Variants in DNAI2 observed in about 807,000 individuals in gnomAD.
DNAI2 encodes the protein dynein, axonemal, intermediate polypeptide 2.
DNAI2 carries 63 observed loss-of-function variants against 74.7 expected under a neutral mutation model. That is an observed-to-expected ratio of 0.84 (90% CI 0.69 to 1.04). The LOEUF (loss-of-function observed/expected upper bound fraction) is 1.04. DNAI2 is among the 50% of genes least tolerant of loss of function. DNAI2 has a pLI of 0.00. For synonymous variants in DNAI2, 289 were observed against 314.9 expected (o/e 0.92, Z 0.87); for missense variants, 688 against 803.2 (o/e 0.86, Z 1.73).
intron 6 of DNAI2, among the ~76,000 whole-genome samples, chr17:74,293,693 G>A (rs565486981): frequency 2.0e-5 from 3 of 151,802 alleles, no homozygotes; most frequent in African/African-American, 7.2e-5. Context: ...GACAGAGCGA[G>A]ACTCCATCTC....
chr17:74,311,356 G>A (rs1334258882), intron 11 of DNAI2, among the ~76,000 whole-genome samples: 1 of 152,082 alleles, frequency 6.6e-6, no homozygotes, highest in Non-Finnish European at 1.5e-5. Context: ...GCTCACGCCT[G>A]TAATCCCAGC....
chr17:74,302,343 G>A (rs540661863), intron 8 of DNAI2, among the ~76,000 whole-genome samples: 141 of 152,224 alleles, frequency 9.3e-4, no homozygotes, highest in African/African-American at 2.4e-3. Flanking sequence ...CAAGGCGGGC[G>A]GATCACCTGA....
At chr17:74,313,965 A>G in intron 12 of DNAI2, 156 bp from the exon 13 acceptor site, 1 of 1,208,438 alleles carries the variant, frequency 8.3e-7, no homozygotes, top group Non-Finnish European at 1.2e-6. Flanking sequence ...CTGGGCCCTC[A>G]CCAGCCGCAG....
In DNAI2 at chr17:74,300,979, C is replaced by T. The variant is rs1355834647; in HGVS notation, c.865-67C>T. ...TGACCCCAGGACGGTGGGGTGAGGGCGGAGAAGGCAAAAGCCAGGGGAAAT... is the reference window on the plus strand; with the variant it reads ...TGACCCCAGGACGGTGGGGTGAGGGTGGAGAAGGCAAAAGCCAGGGGAAAT... On this transcript the variant is annotated intron_variant, in intron 7 of 13. Coordinates refer to ENST00000311014, the MANE Select transcript of DNAI2 (RefSeq NM_023036.6). This position sits in a 1 kb window ranked among gnomAD's most constrained non-coding sequence, Gnocchi z 4.5. 1.6e-5 allele frequency: 26 copies of T among 1,602,842 alleles called. No homozygotes were observed. The highest frequency in any genetic ancestry group is 2.0e-4 in the Middle Eastern group (1 of 5,042).
rs372749080 is a variant in DNAI2, at chr17:74,282,037, G to A, written c.183+37G>A. On this transcript the variant is annotated intron_variant, in intron 2 of 13. Coordinates refer to ENST00000311014, the MANE Select transcript of DNAI2 (RefSeq NM_023036.6). ...CCCCAAGGGCCCTGGCCTGTCAGGT[G>A]TGGCCAGGCAGGGCGGCCAGCTGGG... The A allele has an allele frequency of 8.9e-5, 143 of 1,612,864 alleles. 1 individual carries two copies. In the South Asian group the frequency reaches 1.4e-3, roughly 15 times the overall value.
At chr17:74,296,767 T>G (rs1312930408) in intron 6 of DNAI2, among the ~76,000 whole-genome samples, 1 of 152,200 alleles carries the variant, frequency 6.6e-6, no homozygotes, top group African/African-American at 2.4e-5. Context: ...TCCAGCCTCA[T>G]TCTGCTCCCT....
At chr17:74,310,209 C>G in intron 11 of DNAI2, 46 bp downstream of exon 11, 2 of 1,602,958 alleles carry the variant, frequency 1.2e-6, no homozygotes, top group South Asian at 2.2e-5. Flanking sequence ...ACGTCCCGAC[C>G]TGGCCCCACA....
At chr17:74,293,232 A>G (rs1018296923) in intron 6 of DNAI2, among the ~76,000 whole-genome samples, 13 of 152,132 alleles carry the variant, frequency 8.5e-5, no homozygotes, top group Non-Finnish European at 1.6e-4. Context: ...AATTATGTCT[A>G]TTATTGAAAG....
chr17:74,294,041 C>G (rs2052283204), intron 6 of DNAI2, among the ~76,000 whole-genome samples: 1 of 152,004 alleles, frequency 6.6e-6, no homozygotes, highest in African/African-American at 2.4e-5. Context: ...CCTCGGCCTC[C>G]CAAAGTGCTG....
At chr17:74,277,153 G>C (rs34608668) in intron 1 of DNAI2, among the ~76,000 whole-genome samples, 2 of 152,056 alleles carry the variant, frequency 1.3e-5, no homozygotes, top group African/African-American at 4.8e-5. Context: ...TTGGGAGGCC[G>C]AGGTGGGCGG....
chr17:74,296,316 A>AGAGAGAGAGAGAGAG (rs1567858365), intron 6 of DNAI2, among the ~76,000 whole-genome samples: 50 of 97,734 alleles, frequency 5.1e-4, no homozygotes, highest in Non-Finnish European at 5.5e-4. Context: ...CTTTAAAGAG[A>AGAGAGAGAGAGAGAG]GAGAGAGAGA....
Position 74,289,574 on chromosome 17 carries a change from C to A in DNAI2, c.468-20C>A, listed in dbSNP as rs767825543. ...GGAACCTCACATCCAGCCTTCTGCT[C>A]TCTTCCCTCTCCCCTGCAGGGACCC... is the stretch of plus-strand genomic sequence containing the variant. On this transcript the variant is annotated intron_variant, in intron 4 of 13. Transcript: ENST00000311014. 1.9e-6 allele frequency: 3 copies of A among 1,613,184 alleles called. No individual in the cohort carries two copies. The highest frequency in any genetic ancestry group is 1.6e-4 in the Middle Eastern group (1 of 6,074).
At chr17:74,288,341 A>G (rs1307322500) in intron 4 of DNAI2, among the ~76,000 whole-genome samples, 1 of 152,238 alleles carries the variant, frequency 6.6e-6, no homozygotes, top group African/African-American at 2.4e-5. Flanking sequence ...GGTTAGGTGT[A>G]TTCAATGCAT....
intron 2 of DNAI2, 86 bp from the exon 3 acceptor site, chr17:74,284,953 GC>G: frequency 2.5e-6 from 4 of 1,573,524 alleles, no homozygotes; most frequent in Non-Finnish European, 3.5e-6. Flanking sequence ...AGCCCTGGGA[GC>G]CCCCGTGGGA....
intron 12 of DNAI2, 24 bp from the exon 13 acceptor site, chr17:74,314,097 C>G (rs986802953): frequency 1.2e-6 from 2 of 1,613,888 alleles, no homozygotes; most frequent in African/African-American, 2.7e-5. Context: ...AACACCAACA[C>G]TTCTGTGCTG....
intron 8 of DNAI2, among the ~76,000 whole-genome samples, chr17:74,301,773 A>ACCC (rs538447244): frequency 2.2e-5 from 3 of 139,346 alleles, no homozygotes; most frequent in African/African-American, 8.2e-5. Context: ...ACATAATGAG[A>ACCC]CCCCCCCCAC....
rs2144026133 is a variant in DNAI2, at chr17:74,299,710, C to T, written c.725-8C>T. The T allele has an allele frequency of 6.2e-7, 1 of 1,613,452 alleles. No individual in the cohort carries two copies. The highest frequency in any genetic ancestry group is 8.5e-7 in the Non-Finnish European group (1 of 1,180,016). ...CTTCCACTCCTTCTTCATCTCCTTCCTCACCAGCCTGCTGGGACACCCGAA... is the reference window on the plus strand; with the variant it reads ...CTTCCACTCCTTCTTCATCTCCTTCTTCACCAGCCTGCTGGGACACCCGAA... On this transcript the variant is annotated splice_polypyrimidine_tract_variant and splice_region_variant and intron_variant, in intron 6 of 13. Transcript: ENST00000311014.
intron 5 of DNAI2, 108 bp downstream of exon 5, chr17:74,289,844 G>A (rs972691978): frequency 7.0e-7 from 1 of 1,435,658 alleles, no homozygotes; most frequent in South Asian, 1.2e-5. Flanking sequence ...CACGCGGTTG[G>A]TGCCTCAAGG....
chr17:74,309,628 T>C (rs2053397492), intron 10 of DNAI2: 1 of 705,850 alleles, frequency 1.4e-6, no homozygotes, highest in Non-Finnish European at 2.5e-6. Context: ...CTGGGGGAAA[T>C]TTAAAAAGAA....
Sources: allele counts gnomAD v4.1 joint callset (sites outside exome capture counted in the v4.1 genomes callset), GRCh38; gene constraint gnomAD v4.1.1; non-coding constraint Gnocchi (gnomAD v3.1); transcripts MANE v1.5; gene names NCBI Gene and HGNC (gene_info 2026-07-23, HGNC 2026-07-21).